PPM1E: variants seen among roughly 807,000 people sequenced by gnomAD.
The protein encoded by PPM1E is protein phosphatase, Mg2+/Mn2+ dependent 1E, also known as protein phosphatase 1E.
PPM1E carries 20 observed loss-of-function variants against 65.9 expected under a neutral mutation model. That is an observed-to-expected ratio of 0.30 (90% CI 0.21 to 0.44). PPM1E has a LOEUF of 0.44. Among genes scored for constraint, PPM1E ranks in the 20% least tolerant of loss-of-function variants. PPM1E has a pLI of 1.00. For missense variants in PPM1E, 713 were observed against 953.1 expected, an observed-to-expected ratio of 0.75 and a Z score of 3.32; for synonymous variants, 352 against 374.9, an observed-to-expected ratio of 0.94 and a Z score of 0.70.
At chr17:58,868,757 C>T (rs917189688) in intron 1 of PPM1E, among the ~76,000 whole-genome samples, 5 of 151,846 alleles carry the variant, frequency 3.3e-5, no homozygotes, top group African/African-American at 9.7e-5. Flanking sequence ...GACCTAGGTC[C>T]CATAGGGTAT....
intron 1 of PPM1E, among the ~76,000 whole-genome samples, chr17:58,860,285 C>T (rs543268383): frequency 6.6e-6 from 1 of 152,318 alleles, no homozygotes; most frequent in African/African-American, 2.4e-5. Context: ...CTGGGAGTAA[C>T]CATGGCCATG....
chr17:58,983,300 C>G lies in PPM1E; in HGVS notation c.*2269C>G, dbSNP rs759412611. 2.2e-4 allele frequency: 38 copies of G among 169,722 alleles called. No individual in the cohort carries two copies. Among genetic ancestry groups the G allele is most frequent in the Non-Finnish European group, 3.7e-4 (29 of 78,994 alleles). The allele number at this position is 169,722 out of a possible 1,614,324, so 10.5% of individuals were successfully genotyped here. Reference sequence around the variant, plus strand: ...CAACTATTCATTTGTTCACAACATGCGTATTTATAGAGTAGTTAGGTACCA... The same window carrying G: ...CAACTATTCATTTGTTCACAACATGGGTATTTATAGAGTAGTTAGGTACCA... On this transcript the variant is annotated 3_prime_UTR_variant, in exon 7 of 7. Coordinates refer to ENST00000308249, the MANE Select transcript of PPM1E (RefSeq NM_014906.5).
At chr17:58,952,648 G>A (rs747230174) in intron 1 of PPM1E, among the ~76,000 whole-genome samples, 67 of 152,144 alleles carry the variant, frequency 4.4e-4, no homozygotes, top group African/African-American at 1.4e-3. Context: ...AGGGCAGCCC[G>A]TGGGGCTGGA....
At chr17:58,893,043 T>C (rs532204764) in intron 1 of PPM1E, among the ~76,000 whole-genome samples, 50 of 152,320 alleles carry the variant, frequency 3.3e-4, no homozygotes, top group African/African-American at 1.2e-3. Context: ...TGGAAGAAGT[T>C]TGGCAATTTC....
At chr17:58,849,738 T>C (rs2050806565) in intron 1 of PPM1E, among the ~76,000 whole-genome samples, 1 of 152,316 alleles carries the variant, frequency 6.6e-6, no homozygotes, top group African/African-American at 2.4e-5. Context: ...CTGAGAACAA[T>C]GTATATTCTG....
At chr17:58,911,582 T>C in intron 1 of PPM1E, among the ~76,000 whole-genome samples, 1 of 152,190 alleles carries the variant, frequency 6.6e-6, no homozygotes, top group East Asian at 1.9e-4. Flanking sequence ...TATCTAAAAT[T>C]GTAACACTAG....
chr17:58,980,679 T>C lies in PPM1E; in HGVS notation c.1916T>C (p.Ile639Thr). 6.2e-7 allele frequency: 1 copy of C among 1,614,192 alleles called. No homozygotes were observed. Among genetic ancestry groups the C allele is most frequent in the South Asian group, 1.1e-5 (1 of 91,076 alleles). Reference sequence around the variant, plus strand: ...AATTTGGGTTCAACAGGGGAGCAGATATACAGAATGCAGAGCTTGTCTCCT... The same window carrying C: ...AATTTGGGTTCAACAGGGGAGCAGACATACAGAATGCAGAGCTTGTCTCCT... The part of the protein sequence containing the change: ...AFNLGSTGEQ[I>T]YRMQSLSPVC... Residue 639 changes from isoleucine (I) to threonine (T), a missense_variant, in exon 7 of 7, where the codon ATA becomes ACA. Around this residue, in one of 6 missense-constraint regions of PPM1E, gnomAD observed 286 missense variants for 313.8 expected, o/e 0.91. Coordinates refer to ENST00000308249, the MANE Select transcript of PPM1E (RefSeq NM_014906.5). The surrounding 1 kb of genome is among the most constrained non-coding windows in gnomAD (Gnocchi z 4.7).
At chr17:58,957,063 A>G (rs1442889275) in intron 2 of PPM1E, among the ~76,000 whole-genome samples, 2 of 152,168 alleles carry the variant, frequency 1.3e-5, no homozygotes, top group Non-Finnish European at 2.9e-5. Flanking sequence ...TTCCTCTGCT[A>G]CTGATGCATA....
chr17:58,810,161 TA>T (rs1225782693), intron 1 of PPM1E, among the ~76,000 whole-genome samples: 2 of 152,202 alleles, frequency 1.3e-5, no homozygotes, highest in African/African-American at 2.4e-5. Flanking sequence ...GGTCTGATTT[TA>T]GGCTTGAGTT....
intron 1 of PPM1E, among the ~76,000 whole-genome samples, chr17:58,771,074 CT>C (rs1428405926): frequency 6.6e-6 from 1 of 151,742 alleles, no homozygotes; most frequent in East Asian, 1.9e-4. Context: ...CCAGGATAGT[CT>C]TTATCTCTTG....
At chr17:58,894,367 A>G (rs939563373) in intron 1 of PPM1E, among the ~76,000 whole-genome samples, 1 of 152,202 alleles carries the variant, frequency 6.6e-6, no homozygotes, top group African/African-American at 2.4e-5. Context: ...CCATTTTATC[A>G]AGAATATTCT....
At chr17:58,844,217 T>G (rs2050749497) in intron 1 of PPM1E, among the ~76,000 whole-genome samples, 1 of 152,186 alleles carries the variant, frequency 6.6e-6, no homozygotes, top group African/African-American at 2.4e-5. Context: ...TATTGAATTA[T>G]TATCTGAATT....
At chr17:58,842,881 T>C (rs1170584629) in intron 1 of PPM1E, among the ~76,000 whole-genome samples, 1 of 152,082 alleles carries the variant, frequency 6.6e-6, no homozygotes, top group Non-Finnish European at 1.5e-5. Context: ...GAGGTTGCAG[T>C]GAGCCAAGAT....
intron 5 of PPM1E, 141 bp from the exon 6 acceptor site, chr17:58,972,691 C>A: frequency 1.3e-6 from 1 of 741,236 alleles, no homozygotes; most frequent in South Asian, 1.7e-5. Context: ...ATCACATCAG[C>A]AACTGTGCCC....
rs73315144 is a variant in PPM1E, at chr17:58,901,571, G to A, written c.465-54078G>A. 8.9e-3 allele frequency among the ~76,000 whole-genome samples: 1,362 copies of A among 152,180 alleles called. 24 individuals are homozygous for A. Among genetic ancestry groups the A allele is most frequent in the African/African-American group, 0.03 (1,257 of 41,516 alleles). On this transcript the variant is annotated intron_variant, in intron 1 of 6. Transcript: ENST00000308249. The stretch of plus-strand genomic sequence containing the variant: ...TCTGCGCCTGTAGTCCCAACTACTC[G>A]GGGGGCTGAGACTGGATCACTTTAA...
intron 1 of PPM1E, among the ~76,000 whole-genome samples, chr17:58,894,237 G>A (rs745715949): frequency 2.0e-5 from 3 of 152,094 alleles, no homozygotes; most frequent in South Asian, 2.1e-4. Context: ...TTCTCGTGCC[G>A]CAGCCTCCCA....
At chr17:58,757,869 A>G (rs2049783929) in intron 1 of PPM1E, among the ~76,000 whole-genome samples, 2 of 152,350 alleles carry the variant, frequency 1.3e-5, no homozygotes, top group East Asian at 3.9e-4. Context: ...CGTAAAATAT[A>G]AAATGGCGTG....
chr17:58,895,843 C>G (rs747659907), intron 1 of PPM1E, among the ~76,000 whole-genome samples: 1 of 149,742 alleles, frequency 6.7e-6, no homozygotes, highest in African/African-American at 2.5e-5. Context: ...CAGTGGCTCA[C>G]GCCTGTAATC....
intron 2 of PPM1E, among the ~76,000 whole-genome samples, chr17:58,962,090 G>A (rs907434885): frequency 9.9e-5 from 15 of 152,082 alleles, no homozygotes; most frequent in African/African-American, 3.4e-4. Flanking sequence ...TTCGAGACCA[G>A]CCTGACTAAC....
Sources: gnomAD v4.1 joint callset for allele counts (sites outside exome capture counted in the v4.1 genomes callset) on GRCh38, gnomAD v4.1.1 for gene constraint, gnomAD v4.1.1 regional missense constraint, Gnocchi (gnomAD v3.1) non-coding constraint, MANE v1.5 for transcripts, NCBI Gene and HGNC (gene_info 2026-07-23, HGNC 2026-07-21) for gene names.